The following LTBR variants were observed in gnomAD, a reference collection of about 807,000 sequenced individuals.
LTBR encodes lymphotoxin beta receptor.
Under a neutral mutation model 45.4 loss-of-function variants are expected in LTBR, and 15 were observed. That is an observed-to-expected ratio of 0.33 (90% confidence interval 0.22 to 0.51). The LOEUF is 0.51. Among genes scored for constraint, LTBR ranks in the 20% least tolerant of loss-of-function variants. The pLI, the probability that LTBR is intolerant of heterozygous loss-of-function variation, is 0.97. For synonymous variants in LTBR, 228 were observed against 231.0 expected, an observed-to-expected ratio of 0.99 and a Z score of 0.12; for missense variants, 450 against 565.5, an observed-to-expected ratio of 0.80 and a Z score of 2.07.
rs1949023130 is a variant in LTBR at position 6,385,055 on chromosome 12, G to A, written c.227G>A (p.Arg76Gln). The stretch of plus-strand genomic sequence containing the variant: ...GTCTCAGCTAAATGTAGCCGCATCC[G>A]GGACACAGTTTGTGCCACATGTGCC... ...TYVSAKCSRI[R>Q]DTVCATCAEN... The change falls in exon 3 of 10, where the codon CGG (arginine) becomes CAG (glutamine). Residue 76 changes from arginine (R) to glutamine (Q), a missense_variant. Coordinates refer to ENST00000228918, the MANE Select transcript of LTBR (RefSeq NM_002342.3). 1.2e-6 allele frequency: 2 copies of A among 1,614,150 alleles called. No homozygotes were observed. Among genetic ancestry groups the A allele is most frequent in the Non-Finnish European group, 1.7e-6 (2 of 1,180,016 alleles).
chr12:6,384,186 T>C lies in LTBR; in HGVS notation c.-173T>C, dbSNP rs1949011268. Reference sequence around the variant, plus strand: ...CACTCCCACTTCCTGAGCTCCGCCATGGGAGCCCTGGAGGCCCGGCCTGGC... The same window carrying C: ...CACTCCCACTTCCTGAGCTCCGCCACGGGAGCCCTGGAGGCCCGGCCTGGC... On this transcript the variant is annotated 5_prime_UTR_variant, in exon 1 of 10. It removes an upstream start codon present in the reference 5' UTR. Coordinates refer to ENST00000228918, the MANE Select transcript of LTBR (RefSeq NM_002342.3). 1 of 1,301,812 alleles carries C rather than the reference T, an allele frequency of 7.7e-7. No individual in the cohort carries two copies. Among genetic ancestry groups the C allele is most frequent in the South Asian group, 2.5e-5 (1 of 40,498 alleles). 80.6% of individuals were successfully genotyped at this position (1,301,812 alleles called of 1,614,324 possible). A position where few individuals can be genotyped will look rare whatever the true frequency, so the allele number is the denominator to read the frequency against.
At chr12:6,387,923 C>G (rs572005249) in intron 6 of LTBR, 5 of 444,088 alleles carry the variant, frequency 1.1e-5, no homozygotes, top group African/African-American at 1.0e-4. Flanking sequence ...ACAGGTACAG[C>G]AGGGCAACCC....
chr12:6,384,806 G>A, intron 2 of LTBR, 122 bp downstream of exon 2: 1 of 1,092,178 alleles, frequency 9.2e-7, no homozygotes, highest in South Asian at 1.3e-5. Flanking sequence ...CTGGAGACGA[G>A]CGTGGGAAAC....
Position 6,385,375 on chromosome 12 carries a change from C to G in LTBR, c.468C>G (p.Leu156=). 6.2e-7 allele frequency: 1 copy of G among 1,613,994 alleles called. No homozygotes were observed. Residue 156 remains leucine (L), a synonymous_variant, in exon 4 of 10, where the codon CTC becomes CTG. Coordinates refer to ENST00000228918, the MANE Select transcript of LTBR (RefSeq NM_002342.3). ...GCCCGCCTGGCACTGAAGCCGAGCT[C>G]AAAGGTCAGAGGTCCCTGAGGGGCT... The part of the protein sequence containing the change: ...SDCPPGTEAE[L]KDEVGKGNNH...
rs971571380 is a variant in LTBR at position 6,391,138 on chromosome 12, G to A, written c.*201G>A. The A allele has an allele frequency of 6.2e-6, 3 of 484,616 alleles. No homozygotes were observed. Among genetic ancestry groups the A allele is most frequent in the African/African-American group, 2.0e-5 (1 of 49,912 alleles). The allele number at this position is 484,616 out of a possible 1,614,324, so 30.0% of individuals were successfully genotyped here. A position where few individuals can be genotyped will look rare whatever the true frequency, so the allele number is the denominator to read the frequency against. On this transcript the variant is annotated 3_prime_UTR_variant, in exon 10 of 10. Coordinates refer to ENST00000228918, the MANE Select transcript of LTBR (RefSeq NM_002342.3). ...CCACAGGACTCTCCCTACTGCCTGAGCAAACCTGAGGCCTCCCGGCAGACC... is the reference window on the plus strand; with the variant it reads ...CCACAGGACTCTCCCTACTGCCTGAACAAACCTGAGGCCTCCCGGCAGACC...
rs1385557145 is a variant in LTBR, at chr12:6,391,093, C to T, written c.*156C>T. On this transcript the variant is annotated 3_prime_UTR_variant, in exon 10 of 10. Transcript: ENST00000228918. Reference sequence around the variant, plus strand: ...AGACACCTCTGAGAGCAGGTGGGCACTGGCTGGGTACGGTGCCCTCCACAG... The same window carrying T: ...AGACACCTCTGAGAGCAGGTGGGCATTGGCTGGGTACGGTGCCCTCCACAG... 4 of 763,542 alleles carry T rather than the reference C, an allele frequency of 5.2e-6. No individual in the cohort carries two copies. The highest frequency in any genetic ancestry group is 7.7e-6 in the Non-Finnish European group (4 of 518,792). The allele number at this position is 763,542 out of a possible 1,614,324, so 47.3% of individuals were successfully genotyped here.
Position 6,388,873 on chromosome 12 carries a change from G to A in LTBR, c.801+48G>A, listed in dbSNP as rs1252883459. The A allele has an allele frequency of 6.2e-7, 1 of 1,611,036 alleles. No homozygotes were observed. Among genetic ancestry groups the A allele is most frequent in the Admixed American group, 1.7e-5 (1 of 59,988 alleles). Reference sequence around the variant, plus strand: ...CAGCAAGAAGGGGAAGAGGTGATGAGGGTACAAGGTGGAGCAGACAGGAAG... The same window carrying A: ...CAGCAAGAAGGGGAAGAGGTGATGAAGGTACAAGGTGGAGCAGACAGGAAG... On this transcript the variant is annotated intron_variant, in intron 8 of 9. Transcript: ENST00000228918. The surrounding 1 kb of genome is among the most constrained non-coding windows in gnomAD (Gnocchi z 4.3).
chr12:6,385,644 C>T (rs1592098800), intron 4 of LTBR: 3 of 498,138 alleles, frequency 6.0e-6, no homozygotes, highest in East Asian at 3.7e-5. Flanking sequence ...TGGTGGCCCA[C>T]GCCTGTAATC....
At chr12:6,377,173 C>A in intron 1 of LTBR, 1 of 1,257,716 alleles carries the variant, frequency 8.0e-7, no homozygotes, top group South Asian at 1.3e-5. Flanking sequence ...GTGGCTTCCT[C>A]TCTTGCGGCA....
chr12:6,379,984 A>G (rs80060201), upstream of LTBR, among the ~76,000 whole-genome samples: 1,048 of 152,174 alleles, frequency 6.9e-3, 11 homozygotes, highest in African/African-American at 0.023. Flanking sequence ...CACTACTAGA[A>G]GTTTATCACT....
chr12:6,385,334 G>A lies in LTBR; in HGVS notation c.427G>A (p.Glu143Lys). The change falls in exon 4 of 10, where the codon GAG (glutamate) becomes AAG (lysine). Residue 143 changes from glutamate (E) to lysine (K), a missense_variant. Glu to Lys is a moderately conservative substitution (Grantham distance 56). Transcript: ENST00000228918. The part of the protein sequence containing the change: ...AAWALECTHC[E>K]LLSDCPPGTE... ...CTGGGCCCTCGAGTGTACACACTGCGAGCTACTTTCTGACTGCCCGCCTGG... is the reference window on the plus strand; with the variant it reads ...CTGGGCCCTCGAGTGTACACACTGCAAGCTACTTTCTGACTGCCCGCCTGG... The A allele has an allele frequency of 1.9e-6, 3 of 1,614,146 alleles. No individual in the cohort carries two copies. The highest frequency in any genetic ancestry group is 2.5e-6 in the Non-Finnish European group (3 of 1,180,024).
Position 6,390,909 on chromosome 12 carries a change from C to G in LTBR, c.1280C>G (p.Pro427Arg). The G allele has an allele frequency of 2.5e-6, 4 of 1,580,690 alleles. No individual in the cohort carries two copies. The highest frequency in any genetic ancestry group is 3.4e-6 in the Non-Finnish European group (4 of 1,165,772). The stretch of plus-strand genomic sequence containing the variant: ...GGTGCCACACCCTCTAACAGGGGCC[C>G]AAGGAACCAATTTATCACCCATGAC... ...HCGATPSNRG[P>R]RNQFITHD Residue 427 changes from proline (P) to arginine (R), a missense_variant, in exon 10 of 10, where the codon CCA (proline) becomes CGA (arginine). Coordinates refer to ENST00000228918, the MANE Select transcript of LTBR (RefSeq NM_002342.3).
Position 6,388,628 on chromosome 12 carries a change from C to T in LTBR, c.775+123C>T. On this transcript the variant is annotated intron_variant, in intron 7 of 9. Transcript: ENST00000228918. This position sits in a 1 kb window ranked among gnomAD's most constrained non-coding sequence, Gnocchi z 4.3. ...CAATGCCTACCCCCAACATAGACAT[C>T]CTTATCTTCATCCAGCTGCTTATTC... 1 of 1,094,056 alleles carries T rather than the reference C, an allele frequency of 9.1e-7. No individual in the cohort carries two copies. The highest frequency in any genetic ancestry group is 1.4e-6 in the Non-Finnish European group (1 of 723,120). The allele number at this position is 1,094,056 out of a possible 1,614,324, so 67.8% of individuals were successfully genotyped here.
Position 6,386,330 on chromosome 12 carries a change from C to CT in LTBR, c.570-10dup. ...GGCCAGGGCGTGAAAAGGTCATCAT[C>CT]TTTTTTTCCTCTGCAGGTGTGAGAA... On this transcript the variant is annotated splice_polypyrimidine_tract_variant and intron_variant, in intron 5 of 9. Transcript: ENST00000228918. This position sits in a 1 kb window ranked among gnomAD's most constrained non-coding sequence, Gnocchi z 4.1. The CT allele has an allele frequency of 1.2e-6, 2 of 1,608,924 alleles. No homozygotes were observed. The highest frequency in any genetic ancestry group is 1.3e-5 in the African/African-American group (1 of 74,904).
intron 1 of LTBR, chr12:6,376,040 G>T (rs999754425): frequency 3.0e-6 from 3 of 994,174 alleles, no homozygotes; most frequent in Non-Finnish European, 3.6e-6. Context: ...GAGAGCAAGG[G>T]GGGAGTCCCA....
In LTBR at chr12:6,391,447, G is replaced by A. The variant is rs1460970400; in HGVS notation, c.*510G>A. ...CCCCTCCTAGAGGAGAGGAAAGGGA[G>A]TCATTAACAACTAGGGGGTTGGGTA... On this transcript the variant is annotated 3_prime_UTR_variant, in exon 10 of 10. Transcript: ENST00000228918. 3 of 152,454 alleles carry A rather than the reference G, an allele frequency of 2.0e-5. No homozygotes were observed. Among genetic ancestry groups the A allele is most frequent in the Non-Finnish European group, 4.4e-5 (3 of 68,200 alleles). 9.4% of individuals were successfully genotyped at this position (152,454 alleles called of 1,614,324 possible). A position where few individuals can be genotyped will look rare whatever the true frequency, so the allele number is the denominator to read the frequency against.
At chr12:6,376,634 A>G (rs1473125151) in intron 1 of LTBR, among the ~76,000 whole-genome samples, 1 of 152,212 alleles carries the variant, frequency 6.6e-6, no homozygotes, top group African/African-American at 2.4e-5. Context: ...CAGCAAAAGG[A>G]TAAGGAGTGG....
At chr12:6,375,457 G>T (rs1948888114) in exon 1 of LTBR, 2 of 1,535,448 alleles carry the variant, frequency 1.3e-6, no homozygotes, top group East Asian at 4.9e-5. Flanking sequence ...GACTGGGACT[G>T]GTTCCTTTCC....
At chr12:6,377,069 A>G (rs182816078) in intron 1 of LTBR, 149 of 545,168 alleles carry the variant, frequency 2.7e-4, no homozygotes, top group African/African-American at 2.3e-3. Flanking sequence ...CTTCCCAGAG[A>G]AGGTGTCATC....
Sources: allele counts gnomAD v4.1 joint callset (sites outside exome capture counted in the v4.1 genomes callset), GRCh38; gene constraint gnomAD v4.1.1; non-coding constraint Gnocchi (gnomAD v3.1); transcripts MANE v1.5; gene names NCBI Gene and HGNC (gene_info 2026-07-23, HGNC 2026-07-21).